Variants in EDEM2 observed in about 807,000 individuals in gnomAD.
The protein encoded by EDEM2 is ER degradation enhancing alpha-mannosidase like protein 2, also known as ER degradation-enhancing alpha-mannosidase-like protein 2.
EDEM2 carries 39 observed loss-of-function variants against 64.8 expected under a neutral mutation model. That is an observed-to-expected ratio of 0.60 (90% CI 0.47 to 0.79). The LOEUF (loss-of-function observed/expected upper bound fraction) is 0.79. Ranked by LOEUF, EDEM2 falls within the 30% of genes least tolerant of loss-of-function variation. The pLI is 0.00. For missense variants in EDEM2, 609 were observed against 731.3 expected (o/e 0.83, Z 1.93); for synonymous variants, 296 against 291.5 (o/e 1.02, Z -0.16).
In EDEM2 at chr20:35,122,180, G is replaced by A. The variant is rs145121234; in HGVS notation, c.1114+1710C>T. Among the ~76,000 whole-genome samples the A allele has an allele frequency of 1.4e-4, 22 of 152,170 alleles. No homozygotes were observed. The East Asian group carries it at 3.7e-3, about 25-fold the overall frequency. On this transcript the variant is annotated intron_variant, in intron 9 of 10. Coordinates refer to ENST00000374492, the MANE Select transcript of EDEM2 (RefSeq NM_018217.3). ...TTAAGTAGCAAGCTCCTTGTCACTC[G>A]TGGTAACTAAGCAAAAACTAGATAA...
chr20:35,126,784 T>A (rs937515508), intron 7 of EDEM2, among the ~76,000 whole-genome samples: 8 of 152,086 alleles, frequency 5.3e-5, no homozygotes, highest in Non-Finnish European at 1.0e-4. Context: ...TGGTGGTGCA[T>A]GCCTGTAATC....
intron 7 of EDEM2, among the ~76,000 whole-genome samples, chr20:35,130,849 A>G (rs1386355264): frequency 2.0e-5 from 3 of 152,208 alleles, no homozygotes; most frequent in African/African-American, 7.2e-5. Flanking sequence ...TTTATTCAAC[A>G]GGTATTAATC....
intron 3 of EDEM2, among the ~76,000 whole-genome samples, chr20:35,143,536 C>T (rs777473611): frequency 2.0e-4 from 31 of 152,220 alleles, no homozygotes; most frequent in Non-Finnish European, 3.7e-4. Flanking sequence ...CTTTCTTTTA[C>T]TTGAGAAAAT....
Position 35,142,456 on chromosome 20 carries a change from AATTCTGAGAC to A in EDEM2, c.271_280del (p.Val91SerfsTer18), listed in dbSNP as rs1157960171. ...CTGGAGCACTTCAACCACTCTTTGG[AATTCTGAGAC>A]ATTCCCCAAAATCTGGAAATAAAAA... On this transcript the variant is annotated frameshift_variant, in exon 4 of 11. Transcript: ENST00000374492. LOFTEE classifies it high-confidence loss of function. The A allele has an allele frequency of 1.2e-6, 2 of 1,613,948 alleles. No individual in the cohort carries two copies. Among genetic ancestry groups the A allele is most frequent in the Non-Finnish European group, 1.7e-6 (2 of 1,179,968 alleles).
chr20:35,127,836 G>A (rs1021189430), intron 7 of EDEM2, among the ~76,000 whole-genome samples: 1 of 152,128 alleles, frequency 6.6e-6, no homozygotes, highest in African/African-American at 2.4e-5. Flanking sequence ...CTGAACTGTA[G>A]AGATGGTGGT....
chr20:35,117,143 G>A (rs1274854711), intron 10 of EDEM2: 3 of 152,240 alleles, frequency 2.0e-5, no homozygotes, highest in Non-Finnish European at 4.4e-5. Flanking sequence ...TCTCCACTCA[G>A]ACCCAAAGTA....
Position 35,137,924 on chromosome 20 carries a change from G to C in EDEM2, c.446C>G (p.Pro149Arg). ...CGCCTCCTCAGCCATTCTCAGGAGA[G>C]GCCCGGAACAGGGCCATCCAGCCTC... is the stretch of plus-strand genomic sequence containing the variant. Reference protein sequence around the residue: ...EVEAGWPCSGPLLRMAEEAAR... With the variant: ...EVEAGWPCSGRLLRMAEEAAR... Residue 149 changes from proline (P) to arginine (R), a missense_variant, in exon 5 of 11, where the codon CCT becomes CGT. Transcript: ENST00000374492. 6.2e-7 allele frequency: 1 copy of C among 1,614,212 alleles called. No individual in the cohort carries two copies. Among genetic ancestry groups the C allele is most frequent in the Non-Finnish European group, 8.5e-7 (1 of 1,180,044 alleles).
chr20:35,142,650 G>A (rs571429549), intron 3 of EDEM2, among the ~76,000 whole-genome samples, 172 bp from the exon 4 acceptor site: 4 of 152,310 alleles, frequency 2.6e-5, no homozygotes, highest in African/African-American at 9.6e-5. Context: ...ATCATCTAGA[G>A]ACTTCATACC....
At chr20:35,139,349 C>CAA (rs57683623) in intron 4 of EDEM2, among the ~76,000 whole-genome samples, 2,754 of 89,302 alleles carry the variant, frequency 0.031, 157 homozygotes, top group African/African-American at 0.11. Context: ...GACTCCGTCT[C>CAA]AAAAAAAAAA....
At chr20:35,126,151 C>T in intron 8 of EDEM2, 100 bp downstream of exon 8, 1 of 1,484,422 alleles carries the variant, frequency 6.7e-7, no homozygotes, top group South Asian at 1.3e-5. Context: ...AAAAAAAGTA[C>T]TCAAGCAATT....
chr20:35,125,763 G>A lies in EDEM2; in HGVS notation c.969+488C>T, dbSNP rs891587981. 6.6e-5 allele frequency among the ~76,000 whole-genome samples: 10 copies of A among 152,140 alleles called. 1 individual carries two copies. Among genetic ancestry groups the A allele is most frequent in the African/African-American group, 2.2e-4 (9 of 41,444 alleles). Reference sequence around the variant, plus strand: ...ACTTTTTCTTAAAACTTTTAAAAACGTAGATTATAAAAACATTTTGGTACA... The same window carrying A: ...ACTTTTTCTTAAAACTTTTAAAAACATAGATTATAAAAACATTTTGGTACA... On this transcript the variant is annotated intron_variant, in intron 8 of 10. Coordinates refer to ENST00000374492, the MANE Select transcript of EDEM2 (RefSeq NM_018217.3).
chr20:35,125,201 CTTTT>C (rs11468187), intron 8 of EDEM2, among the ~76,000 whole-genome samples: 9 of 127,972 alleles, frequency 7.0e-5, no homozygotes, highest in Non-Finnish European at 8.2e-5. Context: ...CCGGTGGCCA[CTTTT>C]TTTTTTTTTT....
intron 5 of EDEM2, 37 bp from the exon 6 acceptor site, chr20:35,134,986 A>T: frequency 6.2e-7 from 1 of 1,601,502 alleles, no homozygotes; most frequent in Non-Finnish European, 8.5e-7. Flanking sequence ...GGACAGGAGC[A>T]GGGGGATAGG....
intron 6 of EDEM2, among the ~76,000 whole-genome samples, chr20:35,133,183 C>T (rs1760429426): frequency 1.3e-5 from 2 of 152,124 alleles, no homozygotes; most frequent in South Asian, 4.1e-4. Flanking sequence ...TGTTTATCCA[C>T]CAACTCCCAT....
At chr20:35,142,156 CTT>C (rs2085663397) in intron 4 of EDEM2, among the ~76,000 whole-genome samples, 1 of 152,142 alleles carries the variant, frequency 6.6e-6, no homozygotes, top group African/African-American at 2.4e-5. Flanking sequence ...TTTCCAGTCT[CTT>C]AGTCTCCTGC....
chr20:35,118,854 C>T, intron 9 of EDEM2, 135 bp from the exon 10 acceptor site: 1 of 1,288,978 alleles, frequency 7.8e-7, no homozygotes, highest in South Asian at 1.4e-5. Flanking sequence ...CAGGATACCT[C>T]ACCCAGTGCT....
chr20:35,146,990 G>T, intron 1 of EDEM2, 55 bp from the exon 2 acceptor site: 3 of 1,582,478 alleles, frequency 1.9e-6, no homozygotes, highest in Non-Finnish European at 2.6e-6. Context: ...ACAAGCGGGG[G>T]AAGAACAAGA....
intron 5 of EDEM2, 41 bp from the exon 6 acceptor site, chr20:35,134,990 G>A: frequency 1.9e-6 from 3 of 1,596,306 alleles, no homozygotes; most frequent in Non-Finnish European, 2.6e-6. Flanking sequence ...AGGAGCAGGG[G>A]GATAGGGATA....
chr20:35,134,864 C>G lies in EDEM2; in HGVS notation c.576G>C (p.Thr192=), dbSNP rs78639611. 1.9e-6 allele frequency: 3 copies of G among 1,614,168 alleles called. No individual in the cohort carries two copies. The highest frequency in any genetic ancestry group is 2.5e-6 in the Non-Finnish European group (3 of 1,180,038). Residue 192 remains threonine (T), a synonymous_variant, in exon 6 of 11, where the codon ACG becomes ACC. Coordinates refer to ENST00000374492, the MANE Select transcript of EDEM2 (RefSeq NM_018217.3). ...CAACAATGAAGGTCCCAATCCCTGC[C>G]GTACAGGTGACAGGGGTCTCTCCTG... ...VNPGETPVTC[T]AGIGTFIVEF...
Sources: gnomAD v4.1 joint callset for allele counts (sites outside exome capture counted in the v4.1 genomes callset) on GRCh38, gnomAD v4.1.1 for gene constraint, MANE v1.5 for transcripts, NCBI Gene and HGNC (gene_info 2026-07-23, HGNC 2026-07-21) for gene names.